Variants in DNAH7 observed in about 807,000 individuals in gnomAD.
DNAH7 encodes the protein dynein axonemal heavy chain 7.
DNAH7 carries 397 observed loss-of-function variants against 444.6 expected under a neutral mutation model. The ratio of observed to expected loss-of-function variants is 0.89; its 90% CI spans 0.82 to 0.97. The LOEUF (loss-of-function observed/expected upper bound fraction) is 0.97. Among genes scored for constraint, DNAH7 ranks in the 50% least tolerant of loss-of-function variants. The probability of loss-of-function intolerance (pLI) is 0.00; values close to 1 mark genes in which losing one functional copy is unlikely to be tolerated. For missense variants in DNAH7, 4,902 were observed against 4,800.8 expected (o/e 1.02, Z -0.62); for synonymous variants, 1,636 against 1,624.4 (o/e 1.01, Z -0.17).
intron 10 of DNAH7, among the ~76,000 whole-genome samples, chr2:196,004,387 T>C (rs13426435): frequency 3.5e-4 from 53 of 152,254 alleles, no homozygotes; most frequent in African/African-American, 1.2e-3. Flanking sequence ...TCAAAAATAG[T>C]TGATGGTCAT....
chr2:195,742,494 C>T (rs188942208), intron 63 of DNAH7, among the ~76,000 whole-genome samples: 3 of 152,258 alleles, frequency 2.0e-5, no homozygotes, highest in Admixed American at 6.5e-5. Flanking sequence ...TAGGGATAAA[C>T]GTTCTTTCCA....
chr2:196,024,529 A>G, intron 7 of DNAH7, 25 bp from the exon 8 acceptor site: 2 of 1,403,164 alleles, frequency 1.4e-6, no homozygotes, highest in South Asian at 2.7e-5. Context: ...TAAAATTCTG[A>G]TAAATAACCT....
chr2:196,019,380 T>G, intron 8 of DNAH7, 85 bp from the exon 9 acceptor site: 1 of 1,103,874 alleles, frequency 9.1e-7, no homozygotes, highest in Non-Finnish European at 1.2e-6. Flanking sequence ...ATTATTTAAT[T>G]TTAATAAAAT....
chr2:195,968,739 A>T (rs1691649067), intron 17 of DNAH7, among the ~76,000 whole-genome samples: 1 of 152,196 alleles, frequency 6.6e-6, no homozygotes, highest in Admixed American at 6.5e-5. Flanking sequence ...TTTTAAATTC[A>T]CTTAGGACTC....
chr2:195,828,721 T>C (rs1159528222), intron 48 of DNAH7, among the ~76,000 whole-genome samples: 1 of 151,766 alleles, frequency 6.6e-6, no homozygotes, highest in East Asian at 1.9e-4. Context: ...ATTTTTAAAC[T>C]CATCTGGAAC....
At chr2:196,023,932 G>A (rs981267977) in intron 8 of DNAH7, among the ~76,000 whole-genome samples, 2 of 152,140 alleles carry the variant, frequency 1.3e-5, no homozygotes, top group Non-Finnish European at 2.9e-5. Context: ...GAGAAATGGG[G>A]GAGTGACTGG....
intron 54 of DNAH7, among the ~76,000 whole-genome samples, chr2:195,805,676 T>A (rs55927025): frequency 0.091 from 13,903 of 152,192 alleles, 695 homozygotes; most frequent in African/African-American, 0.13. Flanking sequence ...AAGACAAATA[T>A]ACACACACTG....
At chr2:195,817,337 A>T (rs1697274582) in intron 50 of DNAH7, among the ~76,000 whole-genome samples, 1 of 152,222 alleles carries the variant, frequency 6.6e-6, no homozygotes, top group Admixed American at 6.5e-5. Context: ...TGTTATGAGC[A>T]GAAAGTGGGA....
At chr2:196,062,850 A>C (rs148328928) in intron 1 of DNAH7, among the ~76,000 whole-genome samples, 187 of 152,292 alleles carry the variant, frequency 1.2e-3, no homozygotes, top group African/African-American at 4.4e-3. Flanking sequence ...ATATTTAATC[A>C]ACATTTGCTG....
chr2:195,789,319 T>C (rs1251807683), intron 57 of DNAH7, among the ~76,000 whole-genome samples: 2 of 152,002 alleles, frequency 1.3e-5, no homozygotes, highest in Non-Finnish European at 1.5e-5. Context: ...AAAAAAAGCA[T>C]AGGAATTCAT....
chr2:195,878,102 T>C (rs1010585324), intron 36 of DNAH7, among the ~76,000 whole-genome samples: 3 of 152,222 alleles, frequency 2.0e-5, no homozygotes, highest in Non-Finnish European at 2.9e-5. Context: ...ACAACTGTAA[T>C]GAAGGAATGA....
At chr2:195,830,049 G>T (rs1697987314) in intron 48 of DNAH7, among the ~76,000 whole-genome samples, 1 of 152,026 alleles carries the variant, frequency 6.6e-6, no homozygotes, top group African/African-American at 2.4e-5. Context: ...ATTTTATTTT[G>T]ACTCCTTTAA....
intron 49 of DNAH7, among the ~76,000 whole-genome samples, chr2:195,822,257 T>C (rs567963853): frequency 1.4e-4 from 21 of 152,308 alleles, no homozygotes; most frequent in African/African-American, 4.8e-4. Flanking sequence ...CCAAAAACCA[T>C]AGGCACAGTG....
intron 61 of DNAH7, among the ~76,000 whole-genome samples, chr2:195,768,178 AAT>A (rs1223769172): frequency 6.8e-6 from 1 of 147,774 alleles, no homozygotes; most frequent in African/African-American, 2.5e-5. Flanking sequence ...TTATATCTTT[AAT>A]ATATATATCT....
Position 195,754,347 on chromosome 2 carries a change from A to G in DNAH7, c.11754T>C (p.Pro3918=). The change falls in exon 63 of 65, where the codon CCT becomes CCC. Residue 3918 remains proline, a synonymous_variant. Transcript: ENST00000312428. ...TGTCCCTGCACTTACCATCCTCAGGAGGATGCTTGTATTCTTTGTCTTCCA... is the reference window on the plus strand; with the variant it reads ...TGTCCCTGCACTTACCATCCTCAGGGGGATGCTTGTATTCTTTGTCTTCCA... ...EVMEDKEYKH[P]PEDGVFIHGL... 1 of 1,613,730 alleles carries G rather than the reference A, an allele frequency of 6.2e-7. No homozygotes were observed. Among genetic ancestry groups the G allele is most frequent in the African/African-American group, 1.3e-5 (1 of 75,014 alleles).
chr2:195,783,200 T>A (rs1405208470), intron 58 of DNAH7, among the ~76,000 whole-genome samples: 1 of 152,230 alleles, frequency 6.6e-6, no homozygotes, highest in African/African-American at 2.4e-5. Context: ...CCCCTACATA[T>A]CCATTGTATC....
intron 63 of DNAH7, among the ~76,000 whole-genome samples, chr2:195,747,174 C>G (rs959971553): frequency 4.6e-5 from 7 of 151,802 alleles, no homozygotes; most frequent in African/African-American, 1.7e-4. Flanking sequence ...GATATCACCA[C>G]CGATCCCACA....
At position 195,984,641 on chromosome 2, in the gene DNAH7, C is replaced by T; in HGVS notation, c.1824G>A (p.Met608Ile). ...AAGCTATAAACAATACCTTCATTTCCATTAGTTCTGCTGTATTTGGAGGAG... is the reference window on the plus strand; with the variant it reads ...AAGCTATAAACAATACCTTCATTTCTATTAGTTCTGCTGTATTTGGAGGAG... ...LSTPPNTAEL[M>I]EMKAYIQKVE... Residue 608 changes from methionine (M) to isoleucine (I), a missense_variant, in exon 15 of 65, where the codon ATG (methionine) becomes ATA (isoleucine). By Grantham distance (10) the Met-to-Ile change is conservative. Transcript: ENST00000312428. 6.2e-7 allele frequency: 1 copy of T among 1,613,718 alleles called. No homozygotes were observed. The highest frequency in any genetic ancestry group is 8.5e-7 in the Non-Finnish European group (1 of 1,179,728).
intron 2 of DNAH7, among the ~76,000 whole-genome samples, chr2:196,055,274 T>C (rs1180953655): frequency 1.3e-5 from 2 of 151,828 alleles, no homozygotes; most frequent in East Asian, 3.9e-4. Flanking sequence ...GCCCAGGAGG[T>C]AGAGGCTATA....
Sources: allele counts gnomAD v4.1 joint callset (sites outside exome capture counted in the v4.1 genomes callset), GRCh38; gene constraint gnomAD v4.1.1; transcripts MANE v1.5; gene names NCBI Gene and HGNC (gene_info 2026-07-23, HGNC 2026-07-21).